The following DGAT1 variants were observed in gnomAD, a reference collection of about 807,000 sequenced individuals.
DGAT1 encodes ACAT related gene product 1.
Under a neutral mutation model 72.6 loss-of-function variants are expected in DGAT1, and 60 were observed. That is an observed-to-expected ratio of 0.83 (90% confidence interval 0.67 to 1.02). The LOEUF is 1.02. DGAT1 is among the 50% of genes least tolerant of loss of function. The probability of loss-of-function intolerance (pLI) is 0.00; values close to 1 mark genes in which losing one functional copy is unlikely to be tolerated. For synonymous variants in DGAT1, 290 were observed against 267.5 expected (o/e 1.08, Z -0.82); for missense variants, 592 against 670.0 (o/e 0.88, Z 1.29).
At chr8:144,319,680 A>G (rs1817388989) in intron 2 of DGAT1, among the ~76,000 whole-genome samples, 1 of 152,120 alleles carries the variant, frequency 6.6e-6, no homozygotes, top group African/African-American at 2.4e-5. Context: ...TAAGCCTTGG[A>G]CACTTGGCTC....
intron 1 of DGAT1, among the ~76,000 whole-genome samples, chr8:144,322,325 G>A (rs1166715070): frequency 2.6e-5 from 4 of 152,184 alleles, no homozygotes; most frequent in Admixed American, 6.5e-5. Flanking sequence ...CCCATCTGCC[G>A]TGCCACTGGG....
chr8:144,314,633 C>G lies in DGAT1; in HGVS notation c.*1921G>C, dbSNP rs1817105949. 1.3e-5 allele frequency: 6 copies of G among 447,658 alleles called. No individual in the cohort carries two copies. The highest frequency in any genetic ancestry group is 2.0e-5 in the African/African-American group (1 of 51,252). The allele number at this position is 447,658 out of a possible 1,614,324, so 27.7% of individuals were successfully genotyped here. A position where few individuals can be genotyped will look rare whatever the true frequency, so the allele number is the denominator to read the frequency against. On this transcript the variant is annotated 3_prime_UTR_variant, in exon 17 of 17. Transcript: ENST00000528718. ...TGGATTTTTACACAACTGTCCCGTT[C>G]CCCGCTCCACAGAGATACACAGATA...
chr8:144,318,253 C>T lies in DGAT1; in HGVS notation c.676+8G>A, dbSNP rs782585545. The T allele has an allele frequency of 1.9e-6, 3 of 1,612,304 alleles. No homozygotes were observed. Among genetic ancestry groups the T allele is most frequent in the Non-Finnish European group, 2.5e-6 (3 of 1,179,640 alleles). On this transcript the variant is annotated splice_region_variant and intron_variant, in intron 7 of 16. Transcript: ENST00000528718. ...AGCAGGCAGCCCCAGCCCCTGGCAG[C>T]CCCTCACCAGCCTTGGCCCTGGCCC...
rs370746386 is a variant in DGAT1, at chr8:144,318,703, G to A, written c.464C>T (p.Ala155Val). The change falls in exon 5 of 17, where the codon GCG becomes GTG. Residue 155 changes from alanine to valine, a missense_variant. Physicochemically the swap from Ala to Val is moderately conservative, Grantham distance 64 (BLOSUM62 0). Transcript: ENST00000528718. ...VAAFQVEKRL[A>V]VGALTEQAGL... ...GAGGTGAGGGGCACTGCTTACCACC[G>A]CCAGGCGCTTCTCAACCTGGAATGC... 25 of 1,608,190 alleles carry A rather than the reference G, an allele frequency of 1.6e-5. No homozygotes were observed. The highest frequency in any genetic ancestry group is 1.3e-4 in the East Asian group (6 of 44,696).
chr8:144,315,995 G>T lies in DGAT1; in HGVS notation c.*559C>A, dbSNP rs946598455. On this transcript the variant is annotated 3_prime_UTR_variant, in exon 17 of 17. Coordinates refer to ENST00000528718, the MANE Select transcript of DGAT1 (RefSeq NM_012079.6). ...CTCTTCCCAAGCTGAAGCTGAGCACGGTGGGTGCAAGTTGACCATCCTGCA... is the reference window on the plus strand; with the variant it reads ...CTCTTCCCAAGCTGAAGCTGAGCACTGTGGGTGCAAGTTGACCATCCTGCA... 35 of 961,334 alleles carry T rather than the reference G, an allele frequency of 3.6e-5. No homozygotes were observed. In the African/African-American group the frequency reaches 6.0e-4, roughly 16 times the overall value. 59.6% of individuals were successfully genotyped at this position (961,334 alleles called of 1,614,324 possible). A position where few individuals can be genotyped will look rare whatever the true frequency, so the allele number is the denominator to read the frequency against.
Position 144,317,899 on chromosome 8 carries a change from AGC to A in DGAT1, c.855+13_855+14del. The A allele has an allele frequency of 6.5e-7, 1 of 1,539,388 alleles. No homozygotes were observed. Among genetic ancestry groups the A allele is most frequent in the Non-Finnish European group, 8.7e-7 (1 of 1,143,984 alleles). ...CCCCTAGCCTCCAGTGGCTGCCCCC[AGC>A]CCCCAACCTCACCATCTCAAGGATC... On this transcript the variant is annotated intron_variant, in intron 9 of 16. Coordinates refer to ENST00000528718, the MANE Select transcript of DGAT1 (RefSeq NM_012079.6).
intron 3 of DGAT1, 40 bp from the exon 4 acceptor site, chr8:144,318,960 G>A (rs782298987): frequency 3.2e-6 from 5 of 1,569,208 alleles, no homozygotes; most frequent in East Asian, 2.3e-5. Flanking sequence ...GGTGGCAGGT[G>A]GGGCTGTGGG....
intron 2 of DGAT1, among the ~76,000 whole-genome samples, chr8:144,320,165 G>T (rs535208986): frequency 2.8e-4 from 43 of 152,364 alleles, no homozygotes; most frequent in Non-Finnish European, 4.1e-4. Flanking sequence ...GCAACAAGCA[G>T]CCCAGAGCGG....
In DGAT1 at chr8:144,315,219, C is replaced by T. The variant is rs1554846712; in HGVS notation, c.*1335G>A. On this transcript the variant is annotated 3_prime_UTR_variant, in exon 17 of 17. Coordinates refer to ENST00000528718, the MANE Select transcript of DGAT1 (RefSeq NM_012079.6). Reference sequence around the variant, plus strand: ...CAACTGATAGGGAGAGGCACAGGAGCCCATGTGGGATGGAGGAGTCGGCCC... The same window carrying T: ...CAACTGATAGGGAGAGGCACAGGAGTCCATGTGGGATGGAGGAGTCGGCCC... 3.0e-6 allele frequency: 3 copies of T among 985,418 alleles called. No individual in the cohort carries two copies. Among genetic ancestry groups the T allele is most frequent in the Non-Finnish European group, 3.6e-6 (3 of 830,004 alleles). 61.0% of individuals were successfully genotyped at this position (985,418 alleles called of 1,614,324 possible). A position where few individuals can be genotyped will look rare whatever the true frequency, so the allele number is the denominator to read the frequency against.
chr8:144,315,359 C>G lies in DGAT1; in HGVS notation c.*1195G>C, dbSNP rs1317082363. The G allele has an allele frequency of 1.0e-6, 1 of 985,346 alleles. No individual in the cohort carries two copies. The highest frequency in any genetic ancestry group is 1.7e-5 in the African/African-American group (1 of 57,224). The allele number at this position is 985,346 out of a possible 1,614,324, so 61.0% of individuals were successfully genotyped here. ...CCACTGGGGTAGAGGGAGGATACCACCAAGGGAGCCCACCCTCCCCTCACA... is the reference window on the plus strand; with the variant it reads ...CCACTGGGGTAGAGGGAGGATACCAGCAAGGGAGCCCACCCTCCCCTCACA... On this transcript the variant is annotated 3_prime_UTR_variant, in exon 17 of 17. Transcript: ENST00000528718.
chr8:144,318,168 G>A lies in DGAT1; in HGVS notation c.678C>T (p.Ala226=), dbSNP rs1412282987. The A allele has an allele frequency of 1.2e-6, 2 of 1,601,950 alleles. No individual in the cohort carries two copies. The highest frequency in any genetic ancestry group is 1.7e-6 in the Non-Finnish European group (2 of 1,173,058). The change falls in exon 8 of 17, where the codon GCC becomes GCT. Residue 226 remains alanine, a splice_region_variant and synonymous_variant. Transcript: ENST00000528718. ...CACTGCTGGCCTTCTTCCCTGCAGA[G>A]GCTACGAGCACAGCAGAGTGGGAGG... ...SWCRRARAKA[A]SAGKKASSAA...
chr8:144,316,825 G>A (rs985297871), intron 16 of DGAT1, 28 bp downstream of exon 16: 1 of 1,604,120 alleles, frequency 6.2e-7, no homozygotes, highest in Admixed American at 1.7e-5. Flanking sequence ...AACTGGGCGA[G>A]TGAGGAGGCC....
intron 2 of DGAT1, among the ~76,000 whole-genome samples, chr8:144,320,845 CA>C (rs1435787057): frequency 2.2e-4 from 34 of 152,226 alleles, no homozygotes; most frequent in Admixed American, 1.2e-3. Flanking sequence ...CCACAGAGGC[CA>C]TGTGGCGTAG....
chr8:144,318,542 G>C lies in DGAT1; in HGVS notation c.493C>G (p.Leu165Val). 1.2e-6 allele frequency: 2 copies of C among 1,612,050 alleles called. No individual in the cohort carries two copies. The highest frequency in any genetic ancestry group is 1.7e-5 in the Admixed American group (1 of 59,958). Reference protein sequence around the residue: ...AVGALTEQAGLLLHVANLATI... With the variant: ...AVGALTEQAGVLLHVANLATI... ...GCCAGGTTGGCCACGTGCAGCAGCA[G>C]TCCCGCCTGCTCCGTCAGGGCACCC... The change falls in exon 6 of 17, where the codon CTG becomes GTG. Residue 165 changes from leucine (L) to valine (V), a missense_variant. Transcript: ENST00000528718.
At chr8:144,324,212 C>G (rs1490003199) in intron 1 of DGAT1, among the ~76,000 whole-genome samples, 1 of 152,198 alleles carries the variant, frequency 6.6e-6, no homozygotes, top group African/African-American at 2.4e-5. Context: ...GAGCCCAGCC[C>G]TAGGTGAGCA....
intron 1 of DGAT1, among the ~76,000 whole-genome samples, chr8:144,324,052 C>T (rs1316849132): frequency 1.3e-5 from 2 of 152,230 alleles, no homozygotes; most frequent in Non-Finnish European, 1.5e-5. Context: ...CGGATGGCCC[C>T]GACTGGGGTG....
In DGAT1 at chr8:144,316,562, C is replaced by T. The variant is rs868957042; in HGVS notation, c.1459G>A (p.Glu487Lys). The T allele has an allele frequency of 5.6e-6, 9 of 1,594,400 alleles. No individual in the cohort carries two copies. In the Admixed American group the frequency reaches 1.4e-4, roughly 25 times the overall value. The part of the protein sequence containing the change: ...YVLNYEAPAA[E>K]A ...AGGCCCTCAGGTGCAGCTCAGGCCT[C>T]TGCCGCTGGGGCCTCATAGTTGAGC... Residue 487 changes from glutamate (E) to lysine (K), a missense_variant, in exon 17 of 17, where the codon GAG becomes AAG. Physicochemically the swap from Glu to Lys is moderately conservative, Grantham distance 56. Coordinates refer to ENST00000528718, the MANE Select transcript of DGAT1 (RefSeq NM_012079.6).
intron 1 of DGAT1, among the ~76,000 whole-genome samples, chr8:144,325,210 C>T (rs1817568818): frequency 2.0e-5 from 3 of 152,124 alleles, no homozygotes; most frequent in Non-Finnish European, 4.4e-5. Flanking sequence ...GCCTCCCTCA[C>T]CAGCACCCCA....
Position 144,315,981 on chromosome 8 carries a change from C to T in DGAT1, c.*573G>A. ...AACCCAGGGCCGACCTCTTCCCAAG[C>T]TGAAGCTGAGCACGGTGGGTGCAAG... On this transcript the variant is annotated 3_prime_UTR_variant, in exon 17 of 17. Transcript: ENST00000528718. The T allele has an allele frequency of 3.1e-6, 3 of 982,724 alleles. No individual in the cohort carries two copies. The highest frequency in any genetic ancestry group is 3.6e-6 in the Non-Finnish European group (3 of 827,198). The allele number at this position is 982,724 out of a possible 1,614,324, so 60.9% of individuals were successfully genotyped here.
Sources: gnomAD v4.1 joint callset for allele counts (sites outside exome capture counted in the v4.1 genomes callset) on GRCh38, gnomAD v4.1.1 for gene constraint, MANE v1.5 for transcripts, NCBI Gene and HGNC (gene_info 2026-07-23, HGNC 2026-07-21) for gene names.